The following PPP2R2B variants were observed in gnomAD, a reference collection of about 807,000 sequenced individuals.
The protein encoded by PPP2R2B is serine/threonine-protein phosphatase 2A 55 kDa regulatory subunit B beta isoform.
In PPP2R2B, 5 loss-of-function variants were observed where a neutral mutation model predicts 46.0. That is an observed-to-expected ratio of 0.11 (90% CI 0.06 to 0.23). The LOEUF is 0.23. PPP2R2B is among the 10% of genes least tolerant of loss of function. PPP2R2B has a pLI of 1.00. For synonymous variants in PPP2R2B, 215 were observed against 206.7 expected (o/e 1.04, Z -0.34); for missense variants, 367 against 575.0 (o/e 0.64, Z 3.70).
chr5:146,788,988 A>G (rs1756021766), intron 2 of PPP2R2B, among the ~76,000 whole-genome samples: 1 of 152,210 alleles, frequency 6.6e-6, no homozygotes, highest in South Asian at 2.1e-4. Flanking sequence ...AATAAAATGA[A>G]AAAAGGGCTC....
chr5:147,008,737 T>C (rs1281822955), intron 1 of PPP2R2B, among the ~76,000 whole-genome samples: 1 of 152,120 alleles, frequency 6.6e-6, no homozygotes, highest in Non-Finnish European at 1.5e-5. Context: ...ACACCTCAGA[T>C]GTTTGAGGGT....
At chr5:146,790,783 CATTAT>C (rs1756148027) in intron 2 of PPP2R2B, among the ~76,000 whole-genome samples, 4 of 152,270 alleles carry the variant, frequency 2.6e-5, no homozygotes, top group African/African-American at 7.2e-5. Context: ...AAGAGTGAAG[CATTAT>C]ATTATGATTG....
At chr5:146,682,402 G>T (rs976414358) in intron 5 of PPP2R2B, among the ~76,000 whole-genome samples, 2 of 152,284 alleles carry the variant, frequency 1.3e-5, no homozygotes, top group African/African-American at 4.8e-5. Context: ...TCTATTGATG[G>T]CAAGATATTA....
intron 2 of PPP2R2B, among the ~76,000 whole-genome samples, chr5:146,805,765 G>A (rs1406408394): frequency 6.6e-6 from 1 of 152,118 alleles, no homozygotes; most frequent in Admixed American, 6.5e-5. Flanking sequence ...ACTATGCAGA[G>A]GGGATGTGGC....
chr5:147,041,088 T>C (rs1231974086), intron 1 of PPP2R2B, among the ~76,000 whole-genome samples: 1 of 152,114 alleles, frequency 6.6e-6, no homozygotes, highest in Non-Finnish European at 1.5e-5. Context: ...CACTCTGGAG[T>C]CCACAGGCTG....
chr5:146,788,340 G>GAA (rs375897009), intron 2 of PPP2R2B, among the ~76,000 whole-genome samples: 1 of 138,710 alleles, frequency 7.2e-6, no homozygotes, highest in African/African-American at 2.6e-5. Context: ...CTGGTTTAAA[G>GAA]AAAAAAAAAA....
At chr5:146,745,600 C>T (rs954418936) in intron 2 of PPP2R2B, among the ~76,000 whole-genome samples, 12 of 152,098 alleles carry the variant, frequency 7.9e-5, no homozygotes, top group African/African-American at 1.9e-4. Flanking sequence ...TTCAGTTTCC[C>T]CACATAAACT....
At chr5:146,831,050 G>C (rs1385909810) in intron 2 of PPP2R2B, among the ~76,000 whole-genome samples, 1 of 151,854 alleles carries the variant, frequency 6.6e-6, no homozygotes, top group Non-Finnish European at 1.5e-5. Flanking sequence ...GCTGTCAGTT[G>C]TATAAAAGTA....
intron 8 of PPP2R2B, among the ~76,000 whole-genome samples, chr5:146,595,882 C>T (rs1231109024): frequency 6.6e-6 from 1 of 152,216 alleles, no homozygotes; most frequent in Non-Finnish European, 1.5e-5. Context: ...GGACGCCAGA[C>T]TGAGTGTCCC....
chr5:146,772,351 T>G (rs1425156490), intron 2 of PPP2R2B, among the ~76,000 whole-genome samples: 2 of 143,102 alleles, frequency 1.4e-5, no homozygotes, highest in African/African-American at 5.1e-5. Flanking sequence ...TATTTTAACA[T>G]CCTAAAATTA....
Position 146,649,360 on chromosome 5 carries a change from A to C in PPP2R2B, c.625+1187T>G, listed in dbSNP as rs548808199. Among the ~76,000 whole-genome samples, 4 of 152,200 alleles carry C rather than the reference A, an allele frequency of 2.6e-5. No individual in the cohort carries two copies. The East Asian group carries it at 7.7e-4, about 29-fold the overall frequency. ...ATTCAATAAATGACCAATTTTTACT[A>C]TGAAATAGAGGGTCAACATAGTGGG... On this transcript the variant is annotated intron_variant, in intron 6 of 9. Coordinates refer to ENST00000394411, the MANE Select transcript of PPP2R2B (RefSeq NM_181675.4).
intron 7 of PPP2R2B, among the ~76,000 whole-genome samples, chr5:146,601,532 C>T (rs1327340890): frequency 6.6e-6 from 1 of 152,082 alleles, no homozygotes; most frequent in East Asian, 1.9e-4. Context: ...GGCAACAGAT[C>T]GAGATCCTGT....
chr5:146,763,378 A>G (rs1754282869), intron 2 of PPP2R2B, among the ~76,000 whole-genome samples: 1 of 151,842 alleles, frequency 6.6e-6, no homozygotes, highest in East Asian at 1.9e-4. Context: ...ATGTTTCTCA[A>G]CCTCTCTGAG....
At chr5:146,676,489 G>A (rs182796974) in intron 5 of PPP2R2B, among the ~76,000 whole-genome samples, 2 of 152,090 alleles carry the variant, frequency 1.3e-5, no homozygotes, top group Admixed American at 6.6e-5. Context: ...GCATGTCACC[G>A]CCTCTGCCTA....
intron 1 of PPP2R2B, among the ~76,000 whole-genome samples, chr5:146,946,030 T>G (rs2151832188): frequency 6.6e-6 from 1 of 152,314 alleles, no homozygotes; most frequent in Admixed American, 6.5e-5. Context: ...CTATCGATTC[T>G]AATTCACAAT....
chr5:146,781,714 A>G (rs189665201), intron 2 of PPP2R2B, among the ~76,000 whole-genome samples: 10 of 152,308 alleles, frequency 6.6e-5, no homozygotes, highest in African/African-American at 2.2e-4. Flanking sequence ...CATTTCACAG[A>G]ATCATAGTTG....
intron 2 of PPP2R2B, among the ~76,000 whole-genome samples, chr5:146,804,790 G>A (rs1268340967): frequency 6.6e-6 from 1 of 152,148 alleles, no homozygotes; most frequent in Non-Finnish European, 1.5e-5. Flanking sequence ...TGAAATCAAA[G>A]AGGAGCAGGT....
intron 1 of PPP2R2B, among the ~76,000 whole-genome samples, chr5:146,918,219 G>A (rs1332859944): frequency 1.3e-5 from 2 of 152,214 alleles, no homozygotes; most frequent in East Asian, 3.8e-4. Context: ...CAAAGAAACA[G>A]GAGGAAGAAT....
chr5:147,011,544 C>T (rs1242771556), intron 1 of PPP2R2B, among the ~76,000 whole-genome samples: 1 of 152,128 alleles, frequency 6.6e-6, no homozygotes, highest in Non-Finnish European at 1.5e-5. Flanking sequence ...TTGAGTTCCT[C>T]TTTTCCTAAT....
Sources: allele counts gnomAD v4.1 joint callset (sites outside exome capture counted in the v4.1 genomes callset), GRCh38; gene constraint gnomAD v4.1.1; transcripts MANE v1.5; gene names NCBI Gene and HGNC (gene_info 2026-07-23, HGNC 2026-07-21).